The following ROBO1 variants were observed in gnomAD, a reference collection of about 807,000 sequenced individuals.
ROBO1 encodes the protein roundabout homolog 1.
ROBO1 carries 149 observed loss-of-function variants against 195.9 expected under a neutral mutation model. The ratio of observed to expected loss-of-function variants is 0.76; its 90% CI spans 0.67 to 0.87. The LOEUF is 0.87. ROBO1 is among the 40% of genes least tolerant of loss of function. The pLI, the probability that ROBO1 is intolerant of heterozygous loss-of-function variation, is 0.00. For synonymous variants in ROBO1, 816 were observed against 733.2 expected (o/e 1.11, Z -1.82); for missense variants, 1,933 against 2,068.3 (o/e 0.93, Z 1.27).
intron 1 of ROBO1, among the ~76,000 whole-genome samples, chr3:79,629,634 A>G (rs186931679): frequency 1.6e-4 from 24 of 152,196 alleles, no homozygotes; most frequent in African/African-American, 5.8e-4. Context: ...AAAAAAAGTA[A>G]CAAAGATCAG....
intron 10 of ROBO1, 102 bp from the exon 11 acceptor site, chr3:78,670,403 T>A (rs1288789415): frequency 4.3e-6 from 4 of 939,154 alleles, no homozygotes; most frequent in African/African-American, 3.3e-5. Context: ...AAACTAAAGA[T>A]AATTAAACAA....
intron 2 of ROBO1, among the ~76,000 whole-genome samples, chr3:79,270,393 T>A (rs2030435346): frequency 6.6e-6 from 1 of 151,716 alleles, no homozygotes; most frequent in African/African-American, 2.4e-5. Context: ...GGGAAGAATG[T>A]ATGTGCCAAT....
chr3:79,113,285 T>A (rs1333019508), intron 3 of ROBO1, among the ~76,000 whole-genome samples: 1 of 152,176 alleles, frequency 6.6e-6, no homozygotes, highest in Non-Finnish European at 1.5e-5. Flanking sequence ...TCTGCCCATG[T>A]GCCCAGAAAT....
rs144534248 is a variant in ROBO1, at chr3:78,992,689, T to C, written c.173-53762A>G. 3.6e-3 allele frequency among the ~76,000 whole-genome samples: 546 copies of C among 152,286 alleles called. 2 individuals are homozygous for C. Among genetic ancestry groups the C allele is most frequent in the African/African-American group, 0.012 (514 of 41,558 alleles). On this transcript the variant is annotated intron_variant, in intron 3 of 30. Coordinates refer to ENST00000464233, the MANE Select transcript of ROBO1 (RefSeq NM_002941.4). ...AACAGAATACAAATACCCTTGGAGT[T>C]GTGGCCTGTGTCAACTTTGTCTTAA...
At chr3:78,680,716 C>T (rs1301424380) in intron 10 of ROBO1, among the ~76,000 whole-genome samples, 9 of 142,566 alleles carry the variant, frequency 6.3e-5, no homozygotes. Context: ...GAAATAGGAA[C>T]ACTTTTCCAC....
chr3:79,682,387 G>C (rs1291866560), intron 1 of ROBO1, among the ~76,000 whole-genome samples: 1 of 151,844 alleles, frequency 6.6e-6, no homozygotes, highest in South Asian at 2.1e-4. Flanking sequence ...TCCAATTTCT[G>C]TTCTTACTAA....
At chr3:79,339,991 C>T (rs2034837905) in intron 2 of ROBO1, among the ~76,000 whole-genome samples, 1 of 152,134 alleles carries the variant, frequency 6.6e-6, no homozygotes, top group African/African-American at 2.4e-5. Flanking sequence ...CTATCAAGTT[C>T]CAACTCTCTA....
At chr3:78,933,285 T>C (rs751309579) in intron 4 of ROBO1, among the ~76,000 whole-genome samples, 2 of 152,162 alleles carry the variant, frequency 1.3e-5, no homozygotes, top group Non-Finnish European at 2.9e-5. Context: ...ATATGGCTTA[T>C]GAAACGTAAG....
At chr3:79,761,856 A>G (rs10865579) in intron 1 of ROBO1, among the ~76,000 whole-genome samples, 52,414 of 152,038 alleles carry the variant, frequency 0.34, 9,726 homozygotes, top group African/African-American at 0.49. Context: ...TTGGAGAGCA[A>G]TTGTTGTGAT....
intron 2 of ROBO1, among the ~76,000 whole-genome samples, chr3:79,470,803 C>T (rs548804870): frequency 3.9e-5 from 6 of 152,194 alleles, no homozygotes; most frequent in Non-Finnish European, 5.9e-5. Context: ...ATGAAGCCCC[C>T]GCTGCCATGT....
chr3:79,343,374 A>G (rs1221976432), intron 2 of ROBO1, among the ~76,000 whole-genome samples: 1 of 152,262 alleles, frequency 6.6e-6, no homozygotes, highest in East Asian at 1.9e-4. Flanking sequence ...GCTGGATCAC[A>G]TGGTAAGAGT....
chr3:79,538,338 G>A (rs1941949227), intron 2 of ROBO1, among the ~76,000 whole-genome samples: 2 of 151,932 alleles, frequency 1.3e-5, no homozygotes, highest in Admixed American at 6.6e-5. Flanking sequence ...AAATGTTTAA[G>A]GCAATGAAAA....
chr3:79,625,187 C>T (rs1945129321), intron 1 of ROBO1, among the ~76,000 whole-genome samples: 2 of 151,678 alleles, frequency 1.3e-5, no homozygotes, highest in Non-Finnish European at 2.9e-5. Flanking sequence ...ATCTCTGGTA[C>T]ACAGTTAATG....
At chr3:79,763,270 C>T (rs1436872521) in intron 1 of ROBO1, among the ~76,000 whole-genome samples, 1 of 151,946 alleles carries the variant, frequency 6.6e-6, no homozygotes, top group South Asian at 2.1e-4. Context: ...GGGCAAAATG[C>T]AGAAATATAA....
At chr3:79,018,434 G>A (rs1356918866) in intron 3 of ROBO1, 2 of 1,613,746 alleles carry the variant, frequency 1.2e-6, no homozygotes, top group African/African-American at 1.3e-5. Context: ...AATCCAAACA[G>A]GTAAAAGTGA....
intron 3 of ROBO1, among the ~76,000 whole-genome samples, chr3:79,115,066 A>G (rs929250858): frequency 2.6e-5 from 4 of 152,140 alleles, no homozygotes; most frequent in African/African-American, 9.7e-5. Context: ...CTATCTTGTG[A>G]CTTGGGTCTA....
chr3:79,084,102 A>C (rs1163201794), intron 3 of ROBO1, among the ~76,000 whole-genome samples: 1 of 152,210 alleles, frequency 6.6e-6, no homozygotes, highest in African/African-American at 2.4e-5. Flanking sequence ...CTGCAAGCAT[A>C]GTTTAGACAG....
intron 2 of ROBO1, among the ~76,000 whole-genome samples, chr3:79,406,248 CA>C (rs34875224): frequency 0.37 from 49,935 of 136,230 alleles, 8,950 homozygotes; most frequent in Admixed American, 0.49. Context: ...AACCCAATCT[CA>C]AAAAAAAAAA....
chr3:79,367,656 A>G (rs2036029015), intron 2 of ROBO1, among the ~76,000 whole-genome samples: 1 of 152,210 alleles, frequency 6.6e-6, no homozygotes, highest in African/African-American at 2.4e-5. Flanking sequence ...GTGAATAATA[A>G]TAGTACCTCC....
Sources: gnomAD v4.1 joint callset for allele counts (sites outside exome capture counted in the v4.1 genomes callset) on GRCh38, gnomAD v4.1.1 for gene constraint, MANE v1.5 for transcripts, NCBI Gene and HGNC (gene_info 2026-07-23, HGNC 2026-07-21) for gene names.